The following PEX7 variants were observed in gnomAD, a reference collection of about 807,000 sequenced individuals.
PEX7 encodes peroxisomal biogenesis factor 7, also known as PTS2 receptor.
Under a neutral mutation model 47.5 loss-of-function variants are expected in PEX7, and 34 were observed. That is an observed-to-expected ratio of 0.72 (90% CI 0.54 to 0.95). The LOEUF is 0.95. Ranked by LOEUF, PEX7 falls within the 40% of genes least tolerant of loss-of-function variation. The pLI is 0.00. For missense variants in PEX7, 394 were observed against 400.3 expected (o/e 0.98, Z 0.13); for synonymous variants, 141 against 148.8 (o/e 0.95, Z 0.38).
intron 8 of PEX7, among the ~76,000 whole-genome samples, chr6:136,890,792 G>A (rs916439310): frequency 6.6e-6 from 1 of 152,140 alleles, no homozygotes; most frequent in African/African-American, 2.4e-5. Context: ...CAACATTTAG[G>A]TGTGGGGTGA....
chr6:136,850,974 T>A (rs945765484), intron 5 of PEX7, among the ~76,000 whole-genome samples: 3 of 125,434 alleles, frequency 2.4e-5, no homozygotes, highest in Non-Finnish European at 4.8e-5. Context: ...GCTGTCTTTT[T>A]TTTTTATTTT....
At chr6:136,829,539 G>A (rs1774256309) in intron 3 of PEX7, among the ~76,000 whole-genome samples, 1 of 152,102 alleles carries the variant, frequency 6.6e-6, no homozygotes, top group Non-Finnish European at 1.5e-5. Flanking sequence ...TGGGTTTTGT[G>A]GGGATATATT....
Position 136,836,809 on chromosome 6 carries a change from C to T in PEX7, c.340-8806C>T, listed in dbSNP as rs563139389. Among the ~76,000 whole-genome samples the T allele has an allele frequency of 8.6e-5, 13 of 152,006 alleles. No individual in the cohort carries two copies. In the South Asian group the frequency reaches 1.5e-3, roughly 17 times the overall value. ...CTCTACTAAAAATACAAAAATTAGC[C>T]GGGTGTGGTGGTGAACATCTGTAAT... On this transcript the variant is annotated intron_variant, in intron 3 of 9. Transcript: ENST00000318471.
intron 9 of PEX7, among the ~76,000 whole-genome samples, chr6:136,912,411 T>C (rs1775948121): frequency 6.6e-6 from 1 of 152,202 alleles, no homozygotes; most frequent in South Asian, 2.1e-4. Context: ...TGTGCAAAGT[T>C]GGGGTCAGGA....
At chr6:136,885,223 A>C (rs1204132052) in intron 8 of PEX7, among the ~76,000 whole-genome samples, 1 of 152,210 alleles carries the variant, frequency 6.6e-6, no homozygotes, top group Non-Finnish European at 1.5e-5. Flanking sequence ...ATTCTCAGAT[A>C]TCTGAAGATT....
chr6:136,875,555 G>C (rs567960558), intron 8 of PEX7, among the ~76,000 whole-genome samples: 1 of 152,132 alleles, frequency 6.6e-6, no homozygotes, highest in African/African-American at 2.4e-5. Context: ...TGAAATTTGG[G>C]GGAAGTGGAA....
At chr6:136,881,415 G>T (rs1027903115) in intron 8 of PEX7, among the ~76,000 whole-genome samples, 1 of 152,116 alleles carries the variant, frequency 6.6e-6, no homozygotes, top group Non-Finnish European at 1.5e-5. Context: ...CTTGGAATTC[G>T]AACACCTTTC....
intron 9 of PEX7, 40 bp from the exon 10 acceptor site, chr6:136,913,418 G>A (rs1775963536): frequency 1.4e-6 from 2 of 1,437,662 alleles, no homozygotes; most frequent in Non-Finnish European, 2.0e-6. Context: ...ATTTTTGTAT[G>A]TCTAAATACG....
chr6:136,913,503 G>C lies in PEX7; in HGVS notation c.949G>C (p.Ala317Pro). 6.2e-7 allele frequency: 1 copy of C among 1,612,330 alleles called. No individual in the cohort carries two copies. The highest frequency in any genetic ancestry group is 8.5e-7 in the Non-Finnish European group (1 of 1,178,780). Reference sequence around the variant, plus strand: ...TGAAACAATAAAGATCTATGACCCTGCTTGTCTTACTATTCCTGCTTGAGA... The same window carrying C: ...TGAAACAATAAAGATCTATGACCCTCCTTGTCTTACTATTCCTGCTTGAGA... The part of the protein sequence containing the change: ...WDETIKIYDP[A>P]CLTIPA Residue 317 changes from alanine to proline, a missense_variant, in exon 10 of 10, where the codon GCT becomes CCT. Physicochemically the swap from Ala to Pro is conservative, Grantham distance 27. Transcript: ENST00000318471.
chr6:136,880,239 C>T (rs1193949976), intron 8 of PEX7, among the ~76,000 whole-genome samples: 2 of 151,894 alleles, frequency 1.3e-5, no homozygotes, highest in Non-Finnish European at 2.9e-5. Flanking sequence ...CTCTTTATAT[C>T]TGTGGACAGG....
chr6:136,827,504 T>TTGTGTGTGTGTG (rs5880309), intron 3 of PEX7, among the ~76,000 whole-genome samples: 18 of 141,028 alleles, frequency 1.3e-4, no homozygotes, highest in South Asian at 2.3e-4. Context: ...CTGTGTGAAT[T>TTGTGTGTGTGTG]TGTGTGTGTG....
intron 5 of PEX7, among the ~76,000 whole-genome samples, chr6:136,858,002 G>A (rs1219280605): frequency 6.6e-6 from 1 of 152,112 alleles, no homozygotes; most frequent in South Asian, 2.1e-4. Flanking sequence ...TTTTGGTAGA[G>A]ACAGGGTTTC....
At chr6:136,889,384 T>C (rs1253593603) in intron 8 of PEX7, among the ~76,000 whole-genome samples, 1 of 152,222 alleles carries the variant, frequency 6.6e-6, no homozygotes, top group East Asian at 1.9e-4. Flanking sequence ...GAATTATTTG[T>C]TACTAACATT....
intron 8 of PEX7, among the ~76,000 whole-genome samples, chr6:136,889,556 AC>A (rs1775521304): frequency 6.6e-6 from 1 of 152,226 alleles, no homozygotes; most frequent in Admixed American, 6.5e-5. Flanking sequence ...TTCCAACAGA[AC>A]ATTTATGGAC....
intron 5 of PEX7, among the ~76,000 whole-genome samples, chr6:136,846,384 C>T (rs1038892276): frequency 6.6e-6 from 1 of 151,790 alleles, no homozygotes; most frequent in African/African-American, 2.4e-5. Context: ...GGTACATGTG[C>T]ACAACGTGCG....
intron 8 of PEX7, among the ~76,000 whole-genome samples, chr6:136,896,217 C>T (rs768600876): frequency 6.6e-6 from 1 of 152,096 alleles, no homozygotes; most frequent in Admixed American, 6.6e-5. Context: ...ATTATCCTTA[C>T]GTTCTAAAAG....
chr6:136,878,257 C>T (rs555349665), intron 8 of PEX7, among the ~76,000 whole-genome samples: 3 of 152,276 alleles, frequency 2.0e-5, no homozygotes, highest in East Asian at 1.9e-4. Flanking sequence ...CAAACACAGA[C>T]GATTTGACTT....
intron 8 of PEX7, among the ~76,000 whole-genome samples, chr6:136,876,540 C>A (rs1382766206): frequency 4.6e-5 from 7 of 152,118 alleles, no homozygotes; most frequent in African/African-American, 1.7e-4. Flanking sequence ...CTCCCTGTGT[C>A]CATGTGATCT....
Position 136,872,358 on chromosome 6 carries a change from A to C in PEX7, c.803+105A>C, listed in dbSNP as rs72985582. 0.051 allele frequency: 42,705 copies of C among 831,354 alleles called. 1,383 individuals carry two copies. The highest frequency in any genetic ancestry group is 0.061 in the Non-Finnish European group (30,434 of 502,970). The allele number at this position is 831,354 out of a possible 1,614,324, so 51.5% of individuals were successfully genotyped here. A position where few individuals can be genotyped will look rare whatever the true frequency, so the allele number is the denominator to read the frequency against. Reference sequence around the variant, plus strand: ...GATTACTCTTACTAACATGAAAATAATCTGAGATGGGTACATTTAAATATT... The same window carrying C: ...GATTACTCTTACTAACATGAAAATACTCTGAGATGGGTACATTTAAATATT... On this transcript the variant is annotated intron_variant, in intron 8 of 9. Coordinates refer to ENST00000318471, the MANE Select transcript of PEX7 (RefSeq NM_000288.4).
Sources: allele counts gnomAD v4.1 joint callset (sites outside exome capture counted in the v4.1 genomes callset), GRCh38; gene constraint gnomAD v4.1.1; transcripts MANE v1.5; gene names NCBI Gene and HGNC (gene_info 2026-07-23, HGNC 2026-07-21).